The following DACH2 variants were observed in gnomAD, a reference collection of about 807,000 sequenced individuals.
DACH2 encodes dachshund homolog 2.
In DACH2, 17 loss-of-function variants were observed where a neutral mutation model predicts 35.8. The observed-to-expected ratio is 0.48, with a 90% confidence interval of 0.33 to 0.71. DACH2 has a LOEUF of 0.71. Ranked by LOEUF, DACH2 falls within the 30% of genes least tolerant of loss-of-function variation. DACH2 has a pLI of 0.02. For synonymous variants in DACH2, 195 were observed against 177.3 expected, an observed-to-expected ratio of 1.10 and a Z score of -0.79; for missense variants, 469 against 472.7, an observed-to-expected ratio of 0.99 and a Z score of 0.07.
intron 6 of DACH2, among the ~76,000 whole-genome samples, chrX:86,729,904 G>A (rs1249694918): frequency 9.0e-6 from 1 of 111,077 alleles, no homozygotes; most frequent in East Asian, 2.9e-4. Context: ...GCAGAACCAT[G>A]AGCCAATTAC....
intron 7 of DACH2, among the ~76,000 whole-genome samples, chrX:86,769,402 A>C (rs1569480150): frequency 1.8e-5 from 2 of 112,336 alleles, no homozygotes; most frequent in Non-Finnish European, 3.8e-5. Context: ...TCTCTATCAA[A>C]CTACCACTGT....
intron 1 of DACH2, among the ~76,000 whole-genome samples, chrX:86,271,323 T>C (rs1333779016): frequency 8.9e-6 from 1 of 112,370 alleles, no homozygotes; most frequent in East Asian, 2.8e-4. Flanking sequence ...ATTTGTAATA[T>C]TTCAAGGCAA....
At chrX:86,449,191 T>C (rs1238616098) in intron 2 of DACH2, among the ~76,000 whole-genome samples, 1 of 58,266 alleles carries the variant, frequency 1.7e-5, no homozygotes, top group Non-Finnish European at 3.2e-5. Context: ...TCTCTCTTTT[T>C]TTCTTTATTA....
At chrX:86,223,469 G>A (rs1278025375) in intron 1 of DACH2, among the ~76,000 whole-genome samples, 2 of 111,013 alleles carry the variant, frequency 1.8e-5, no homozygotes, top group African/African-American at 6.5e-5. Context: ...TCCACTACTT[G>A]AACATAGGGA....
At chrX:86,264,617 C>T (rs964625503) in intron 1 of DACH2, among the ~76,000 whole-genome samples, 2 of 111,639 alleles carry the variant, frequency 1.8e-5, no homozygotes, top group Non-Finnish European at 3.8e-5. Context: ...ATCTCATGAC[C>T]TTTTAAAAAC....
intron 3 of DACH2, among the ~76,000 whole-genome samples, chrX:86,526,530 A>AGGAAAAATT (rs774156157): frequency 0.066 from 7,311 of 111,230 alleles, 630 homozygotes; most frequent in African/African-American, 0.23. Flanking sequence ...GTTTATGTTC[A>AGGAAAAATT]ATGTAGGAAA....
At chrX:86,696,440 A>T (rs895145818) in intron 5 of DACH2, among the ~76,000 whole-genome samples, 1 of 112,536 alleles carries the variant, frequency 8.9e-6, no homozygotes, top group Non-Finnish European at 1.9e-5. Context: ...AAGTTAAAAA[A>T]GGACTGATTA....
chrX:86,423,247 G>C (rs2036834990), intron 2 of DACH2, among the ~76,000 whole-genome samples: 1 of 111,070 alleles, frequency 9.0e-6, no homozygotes, highest in Non-Finnish European at 1.9e-5. Flanking sequence ...CCTCCAAACT[G>C]TTCTCCACAG....
At chrX:86,529,233 C>T (rs1450034899) in intron 3 of DACH2, among the ~76,000 whole-genome samples, 3 of 111,115 alleles carry the variant, frequency 2.7e-5, no homozygotes, top group African/African-American at 9.8e-5. Context: ...TTTGTAAAGA[C>T]TGGGTCTCAG....
chrX:86,234,626 T>G (rs1189900424), intron 1 of DACH2, among the ~76,000 whole-genome samples: 1 of 109,460 alleles, frequency 9.1e-6, no homozygotes, highest in Non-Finnish European at 1.9e-5. Context: ...TTAATTTTTT[T>G]TTTTTGAGAC....
chrX:86,213,867 G>A (rs2032506653), intron 1 of DACH2, among the ~76,000 whole-genome samples: 1 of 110,503 alleles, frequency 9.0e-6, no homozygotes, highest in Admixed American at 9.7e-5. Context: ...CTCTAAATCA[G>A]CCTTCATAAT....
chrX:86,494,230 G>A (rs924408793), intron 2 of DACH2, among the ~76,000 whole-genome samples: 1 of 112,219 alleles, frequency 8.9e-6, no homozygotes, highest in African/African-American at 3.2e-5. Context: ...TTTAACAAAT[G>A]AAGGAAAGTT....
chrX:86,198,294 C>A (rs2032048529), intron 1 of DACH2, among the ~76,000 whole-genome samples: 1 of 111,712 alleles, frequency 9.0e-6, no homozygotes, highest in Non-Finnish European at 1.9e-5. Flanking sequence ...TAGCGATAAA[C>A]ACCCACATCA....
intron 1 of DACH2, among the ~76,000 whole-genome samples, chrX:86,257,045 A>G (rs1217186944): frequency 8.9e-6 from 1 of 111,842 alleles, no homozygotes; most frequent in East Asian, 2.8e-4. Flanking sequence ...ACATTTCTGC[A>G]TCTTTTTTTC....
At chrX:86,672,058 C>G (rs984358603) in intron 4 of DACH2, among the ~76,000 whole-genome samples, 2 of 111,862 alleles carry the variant, frequency 1.8e-5, no homozygotes, top group Non-Finnish European at 3.8e-5. Context: ...TGCCCATGCT[C>G]TAGGTATCTG....
intron 2 of DACH2, among the ~76,000 whole-genome samples, chrX:86,427,401 C>T (rs1365660426): frequency 9.0e-6 from 1 of 111,165 alleles, no homozygotes; most frequent in Non-Finnish European, 1.9e-5. Flanking sequence ...AGATTTTTAC[C>T]ACTTTTTCTT....
intron 4 of DACH2, among the ~76,000 whole-genome samples, chrX:86,667,083 T>TAAAAA (rs66948603): frequency 1.8e-5 from 1 of 55,721 alleles, no homozygotes; most frequent in African/African-American, 7.8e-5. Flanking sequence ...CCATCTCTAC[T>TAAAAA]AAAAAAAAAA....
chrX:86,396,170 G>C (rs2148123856), intron 2 of DACH2, among the ~76,000 whole-genome samples: 1 of 111,788 alleles, frequency 8.9e-6, no homozygotes, highest in African/African-American at 3.3e-5. Context: ...GTGTTTTTTG[G>C]CTGCATAAAT....
At chrX:86,625,862 C>T (rs761863647) in intron 3 of DACH2, among the ~76,000 whole-genome samples, 2 of 111,421 alleles carry the variant, frequency 1.8e-5, no homozygotes, top group Non-Finnish European at 3.8e-5. Flanking sequence ...CAGGTCTTCC[C>T]CATGACATGT....
Sources: gnomAD v4.1 joint callset for allele counts (sites outside exome capture counted in the v4.1 genomes callset) on GRCh38, gnomAD v4.1.1 for gene constraint, MANE v1.5 for transcripts, NCBI Gene and HGNC (gene_info 2026-07-23, HGNC 2026-07-21) for gene names.